Variants in PLCH1 observed in about 807,000 individuals in gnomAD.
PLCH1 encodes 1-phosphatidylinositol 4,5-bisphosphate phosphodiesterase eta-1.
In PLCH1, 60 loss-of-function variants were observed where a neutral mutation model predicts 126.7. The observed-to-expected ratio is 0.47, with a 90% CI of 0.38 to 0.59. The LOEUF (loss-of-function observed/expected upper bound fraction) is 0.59, where lower values mean the gene tolerates loss of function less well. Ranked by LOEUF, PLCH1 falls within the 20% of genes least tolerant of loss-of-function variation. The pLI, the probability that PLCH1 is intolerant of heterozygous loss-of-function variation, is 0.00. For missense variants in PLCH1, 1,723 were observed against 2,040.0 expected (o/e 0.84, Z 2.99); for synonymous variants, 719 against 734.9 (o/e 0.98, Z 0.35).
At chr3:155,520,211 C>T (rs376595611) in intron 11 of PLCH1, among the ~76,000 whole-genome samples, 1 of 152,162 alleles carries the variant, frequency 6.6e-6, no homozygotes, top group Non-Finnish European at 1.5e-5. Context: ...GACCTTGTAA[C>T]CTCAAGAGGT....
In PLCH1 at chr3:155,454,310, G is replaced by A. The variant is rs147881946; in HGVS notation, c.2938+31046C>T. 5.3e-5 allele frequency among the ~76,000 whole-genome samples: 8 copies of A among 152,050 alleles called. No homozygotes were observed. The South Asian group carries it at 6.2e-4, about 12-fold the overall frequency. The stretch of plus-strand genomic sequence containing the variant: ...ATCTAATGAAAGTTTTTCAGCCTGA[G>A]CAACATGACAAAACAGCATCTCAAC... On this transcript the variant is annotated intron_variant, in intron 21 of 21. Coordinates refer to the PLCH1 transcript ENST00000494598.
chr3:155,544,342 C>G (rs1057438699), intron 10 of PLCH1, among the ~76,000 whole-genome samples: 4 of 152,108 alleles, frequency 2.6e-5, no homozygotes, highest in African/African-American at 9.7e-5. Context: ...GCTAACTATC[C>G]TAAATATATA....
intron 1 of PLCH1, among the ~76,000 whole-genome samples, chr3:155,709,025 A>G (rs1034200629): frequency 1.7e-4 from 26 of 152,156 alleles, no homozygotes; most frequent in Non-Finnish European, 3.2e-4. Flanking sequence ...TATGGTTGGA[A>G]TCACACAGTA....
chr3:155,739,523 A>G (rs1033369837), intron 1 of PLCH1, among the ~76,000 whole-genome samples: 6 of 152,040 alleles, frequency 3.9e-5, no homozygotes, highest in Admixed American at 3.3e-4. Flanking sequence ...TGAATTTACA[A>G]CCTCCTAAAC....
At chr3:155,571,521 C>A (rs998471220) in intron 6 of PLCH1, among the ~76,000 whole-genome samples, 1 of 152,178 alleles carries the variant, frequency 6.6e-6, no homozygotes, top group Non-Finnish European at 1.5e-5. Context: ...CTGCCTCAGC[C>A]TCCCATGTAG....
At chr3:155,654,151 C>T (rs1225153873) in intron 2 of PLCH1, among the ~76,000 whole-genome samples, 3 of 151,406 alleles carry the variant, frequency 2.0e-5, no homozygotes, top group Non-Finnish European at 4.4e-5. Context: ...TGAACATACC[C>T]TTCTCCTTGA....
intron 6 of PLCH1, among the ~76,000 whole-genome samples, chr3:155,570,341 A>C (rs114443286): frequency 6.6e-6 from 1 of 152,102 alleles, no homozygotes; most frequent in Non-Finnish European, 1.5e-5. Context: ...TTCCTATTTG[A>C]CAGAGCTGAT....
chr3:155,464,972 G>A (rs926015089), intron 21 of PLCH1, among the ~76,000 whole-genome samples: 15 of 152,072 alleles, frequency 9.9e-5, no homozygotes, highest in Non-Finnish European at 2.2e-4. Flanking sequence ...AGCTAGGCGT[G>A]GCAGCGTGTG....
At chr3:155,572,766 C>T (rs1305715816) in intron 6 of PLCH1, among the ~76,000 whole-genome samples, 2 of 151,962 alleles carry the variant, frequency 1.3e-5, no homozygotes, top group Non-Finnish European at 2.9e-5. Flanking sequence ...CATTCTGTCA[C>T]CCAGACTGGA....
chr3:155,598,125 A>T (rs1449266377), intron 2 of PLCH1, among the ~76,000 whole-genome samples: 1 of 152,138 alleles, frequency 6.6e-6, no homozygotes, highest in African/African-American at 2.4e-5. Flanking sequence ...AGGAGGTTGC[A>T]GTGAGGTGAG....
At chr3:155,501,223 T>C (rs1717841315) in intron 13 of PLCH1, among the ~76,000 whole-genome samples, 3 of 152,120 alleles carry the variant, frequency 2.0e-5, no homozygotes, top group Admixed American at 2.0e-4. Flanking sequence ...TAGTAACTTT[T>C]AAAAAAATAA....
At chr3:155,580,244 C>T (rs1730498771) in intron 6 of PLCH1, among the ~76,000 whole-genome samples, 1 of 151,992 alleles carries the variant, frequency 6.6e-6, no homozygotes, top group Non-Finnish European at 1.5e-5. Flanking sequence ...AATATTTTAT[C>T]CAATGGCTCA....
intron 21 of PLCH1, among the ~76,000 whole-genome samples, chr3:155,461,129 A>G (rs533833816): frequency 2.0e-5 from 3 of 152,302 alleles, no homozygotes; most frequent in South Asian, 4.1e-4. Flanking sequence ...AATGATCTCT[A>G]TCATCTTCAT....
Position 155,565,945 on chromosome 3 carries a change from G to A in PLCH1, c.866-827C>T, listed in dbSNP as rs1360189838. ...ATTCCTGACCTCATGTGATCTGCCC[G>A]CCTCGGCTTCCCAAAGTGCTGAGAT... On this transcript the variant is annotated intron_variant, in intron 7 of 22. Coordinates refer to ENST00000460012, the MANE Select transcript of PLCH1 (RefSeq NM_014996.4). Among the ~76,000 whole-genome samples the A allele has an allele frequency of 2.7e-5, 4 of 150,810 alleles. 1 individual carries two copies. The South Asian group carries it at 6.3e-4, about 24-fold the overall frequency.
rs762911917 is a variant in PLCH1, at chr3:155,523,948, A to T, written c.1419T>A (p.Asp473Glu). Residue 473 changes from aspartate (D) to glutamate (E), a missense_variant, in exon 11 of 23, where the codon GAT becomes GAA. Physicochemically the swap from Asp to Glu is conservative, Grantham distance 45. Transcript: ENST00000460012. ...CTTCAATTTCATCTGCACTGTCCTC[A>T]TCAGAAACTTCCCCTTCCTCTGCAT... Reference protein sequence around the residue: ...GDDAEEGEVSDEDSADEIEDE... With the variant: ...GDDAEEGEVSEEDSADEIEDE... The T allele has an allele frequency of 6.2e-7, 1 of 1,611,152 alleles. No homozygotes were observed. Among genetic ancestry groups the T allele is most frequent in the South Asian group, 1.1e-5 (1 of 90,628 alleles).
Position 155,512,625 on chromosome 3 carries a change from T to G in PLCH1, c.1632+2098A>C, listed in dbSNP as rs79031579. ...AACAGCCAATATGAAAGCCATGTGG[T>G]AAGAGCACGGTACCAGGAAATGAAG... On this transcript the variant is annotated intron_variant, in intron 12 of 22. Transcript: ENST00000460012. 3.9e-5 allele frequency among the ~76,000 whole-genome samples: 6 copies of G among 152,250 alleles called. No homozygotes were observed. In the East Asian group the frequency reaches 1.2e-3, roughly 29 times the overall value.
intron 2 of PLCH1, among the ~76,000 whole-genome samples, chr3:155,648,428 C>G (rs182193681): frequency 6.6e-6 from 1 of 152,148 alleles, no homozygotes; most frequent in Admixed American, 6.5e-5. Context: ...CTGGTCTTGA[C>G]GTCCTCCCTG....
chr3:155,591,837 C>T (rs1350218459), intron 4 of PLCH1, among the ~76,000 whole-genome samples: 1 of 151,940 alleles, frequency 6.6e-6, no homozygotes, highest in Non-Finnish European at 1.5e-5. Context: ...CCTGAGTAGC[C>T]GGCACTACAG....
chr3:155,671,996 G>T (rs555654326), intron 2 of PLCH1, among the ~76,000 whole-genome samples: 1 of 151,988 alleles, frequency 6.6e-6, no homozygotes, highest in Non-Finnish European at 1.5e-5. Flanking sequence ...TTAACAAGGC[G>T]TAACAAAAAA....
Sources: gnomAD v4.1 joint callset for allele counts (sites outside exome capture counted in the v4.1 genomes callset) on GRCh38, gnomAD v4.1.1 for gene constraint, MANE v1.5 for transcripts, NCBI Gene and HGNC (gene_info 2026-07-23, HGNC 2026-07-21) for gene names.